Variants in P2RY12 observed in about 807,000 individuals in gnomAD.
P2RY12 encodes P2Y purinoceptor 12.
In P2RY12, 3 loss-of-function variants were observed where a neutral mutation model predicts 4.5. The ratio of observed to expected loss-of-function variants is 0.67; its 90% CI spans 0.31 to 1.74. The LOEUF (loss-of-function observed/expected upper bound fraction) is 1.74. P2RY12 is among the 40% of genes most tolerant of loss of function. P2RY12 has a pLI of 0.09. For synonymous variants in P2RY12, 148 were observed against 154.1 expected (o/e 0.96, Z 0.29); for missense variants, 356 against 407.8 (o/e 0.87, Z 1.09).
chr3:151,380,035 G>T, intron 1 of P2RY12: 1 of 895,478 alleles, frequency 1.1e-6, no homozygotes, highest in Admixed American at 2.6e-5. Flanking sequence ...TAATAGTGAG[G>T]CAAAGAAATG....
intron 1 of P2RY12, chr3:151,372,649 T>G: frequency 6.2e-7 from 1 of 1,613,924 alleles, no homozygotes; most frequent in Non-Finnish European, 8.5e-7. Flanking sequence ...GTGATGGGAA[T>G]GCTGATGATA....
intron 1 of P2RY12, chr3:151,354,987 A>G: frequency 1.4e-6 from 1 of 698,278 alleles, no homozygotes; most frequent in South Asian, 1.7e-5. Context: ...CTTATTGTGT[A>G]TTTATTTTAT....
At chr3:151,349,909 G>A in intron 1 of P2RY12, 1 of 523,612 alleles carries the variant, frequency 1.9e-6, no homozygotes, top group Non-Finnish European at 3.3e-6. Flanking sequence ...CAAGGGTGTT[G>A]CCAGTGGAGG....
rs754485666 is a variant in P2RY12, at chr3:151,338,307, G to C, written c.539C>G (p.Ser180Ter). The C allele has an allele frequency of 5.0e-6, 8 of 1,613,972 alleles. No homozygotes were observed. The East Asian group carries it at 1.3e-4, about 27-fold the overall frequency. Reference protein sequence around the residue: ...KNVKKCSFLKSEFGLVWHEIV... With the variant: ...KNVKKCSFLK ...TTCATGCCAGACTAGACCGAACTCT[G>C]ATTTAAGGAAAGAGCATTTCTTCAC... The change falls in exon 3 of 3, where the codon TCA (serine) becomes TGA (stop). Residue 180 changes from serine to a stop codon, truncating the protein, a stop_gained. Coordinates refer to ENST00000302632, the MANE Select transcript of P2RY12 (RefSeq NM_022788.5). LOFTEE classifies it low-confidence loss of function (END_TRUNC).
intron 1 of P2RY12, among the ~76,000 whole-genome samples, chr3:151,359,485 T>C (rs1212544488): frequency 6.6e-6 from 1 of 152,120 alleles, no homozygotes; most frequent in African/African-American, 2.4e-5. Context: ...GTGATTCCAT[T>C]GTCCTCCTTG....
intron 1 of P2RY12, among the ~76,000 whole-genome samples, chr3:151,343,345 A>T (rs1213813173): frequency 6.6e-6 from 1 of 152,204 alleles, no homozygotes; most frequent in Non-Finnish European, 1.5e-5. Context: ...AAACCTCTAG[A>T]AGGGCTAACA....
In P2RY12 at chr3:151,338,771, C is replaced by T. The variant is rs1751387785; in HGVS notation, c.75G>A (p.Gln25=). 6.2e-7 allele frequency: 1 copy of T among 1,613,140 alleles called. No homozygotes were observed. Among genetic ancestry groups the T allele is most frequent in the African/African-American group, 1.3e-5 (1 of 74,642 alleles). The change falls in exon 3 of 3, where the codon CAG becomes CAA. Residue 25 remains glutamine, a synonymous_variant. Transcript: ENST00000302632. The part of the protein sequence containing the change: ...SLCTRDYKIT[Q]VLFPLLYTVL... Reference sequence around the variant, plus strand: ...CAGTGTAGAGCAGTGGGAAGAGGACCTGGGTGATTTTGTAGTCTCTGGTGC... The same window carrying T: ...CAGTGTAGAGCAGTGGGAAGAGGACTTGGGTGATTTTGTAGTCTCTGGTGC...
intron 1 of P2RY12, chr3:151,384,010 G>C: frequency 6.5e-7 from 1 of 1,527,618 alleles, no homozygotes; most frequent in Non-Finnish European, 8.9e-7. Flanking sequence ...TCTGTGCCTT[G>C]AATAAAAATA....
chr3:151,355,159 G>C, intron 1 of P2RY12: 1 of 1,614,020 alleles, frequency 6.2e-7, no homozygotes, highest in Non-Finnish European at 8.5e-7. Flanking sequence ...GAACAAACAG[G>C]AGACATTTCC....
Position 151,338,494 on chromosome 3 carries a change from T to C in P2RY12, c.352A>G (p.Ile118Val), listed in dbSNP as rs375376556. 1.2e-6 allele frequency: 2 copies of C among 1,613,878 alleles called. No individual in the cohort carries two copies. Among genetic ancestry groups the C allele is most frequent in the Non-Finnish European group, 1.7e-6 (2 of 1,180,018 alleles). ...MYISISFLGL[I>V]TIDRYQKTTR... ...GTCTTCTGGTAGCGATCGATAGTTA[T>C]CAGTCCCAGGAATGAAATACTGATA... Residue 118 changes from isoleucine to valine, a missense_variant, in exon 3 of 3, where the codon ATA (isoleucine) becomes GTA (valine). Coordinates refer to ENST00000302632, the MANE Select transcript of P2RY12 (RefSeq NM_022788.5).
intron 1 of P2RY12, among the ~76,000 whole-genome samples, chr3:151,379,866 C>T (rs148766468): frequency 1.4e-3 from 219 of 152,318 alleles, no homozygotes; most frequent in African/African-American, 4.8e-3. Context: ...GGCATGCTCA[C>T]ATGCAGTATG....
Position 151,365,778 on chromosome 3 carries a change from AT to A in P2RY12, c.-180+18913del, listed in dbSNP as rs1432618411. 3.1e-6 allele frequency: 4 copies of A among 1,282,934 alleles called. No individual in the cohort carries two copies. The Admixed American group carries it at 1.0e-4, about 32-fold the overall frequency. The allele number at this position is 1,282,934 out of a possible 1,614,324, so 79.5% of individuals were successfully genotyped here. On this transcript the variant is annotated intron_variant, in intron 1 of 2. Coordinates refer to ENST00000302632, the MANE Select transcript of P2RY12 (RefSeq NM_022788.5). ...TTTGATGTTAGTGAAATATATGTTA[AT>A]TAAGTATATCACAGGTGAGTATTTC...
chr3:151,345,522 T>TC (rs1245159670), intron 1 of P2RY12, among the ~76,000 whole-genome samples: 3 of 134,938 alleles, frequency 2.2e-5, no homozygotes, highest in Non-Finnish European at 5.0e-5. Flanking sequence ...TTTTTCTTTT[T>TC]TTTTTTTTTT....
Position 151,382,609 on chromosome 3 carries a change from T to C in P2RY12, c.-180+2083A>G, listed in dbSNP as rs760665629. ...GTATAAAGCTCAATTTATCTTTAAA[T>C]GAGAGAAAAATTAAACTTTAATGGG... On this transcript the variant is annotated intron_variant, in intron 1 of 2. Coordinates refer to ENST00000302632, the MANE Select transcript of P2RY12 (RefSeq NM_022788.5). 5.7e-6 allele frequency: 8 copies of C among 1,391,680 alleles called. No homozygotes were observed. The East Asian group carries it at 1.7e-4, about 29-fold the overall frequency. 86.2% of individuals were successfully genotyped at this position (1,391,680 alleles called of 1,614,324 possible).
chr3:151,351,512 G>C (rs912990637), intron 1 of P2RY12, among the ~76,000 whole-genome samples: 1 of 152,064 alleles, frequency 6.6e-6, no homozygotes, highest in Non-Finnish European at 1.5e-5. Flanking sequence ...TATTGAGTTT[G>C]AAAAAAGAAA....
intron 1 of P2RY12, among the ~76,000 whole-genome samples, chr3:151,374,416 C>G (rs1756572134): frequency 6.6e-6 from 1 of 152,234 alleles, no homozygotes; most frequent in Non-Finnish European, 1.5e-5. Flanking sequence ...GGTGTGGTGG[C>G]ACATGCCTGT....
chr3:151,375,573 A>AT, intron 1 of P2RY12, among the ~76,000 whole-genome samples: 1 of 152,200 alleles, frequency 6.6e-6, no homozygotes, highest in East Asian at 1.9e-4. Flanking sequence ...AACATTATTC[A>AT]TAATAGTATC....
At chr3:151,355,301 T>C (rs1753771891) in intron 1 of P2RY12, 1 of 1,111,000 alleles carries the variant, frequency 9.0e-7, no homozygotes, top group Non-Finnish European at 1.3e-6. Context: ...AAAATTTTTT[T>C]CATGCAGTAT....
At chr3:151,340,292 A>C (rs144825964) in intron 2 of P2RY12, among the ~76,000 whole-genome samples, 3 of 152,304 alleles carry the variant, frequency 2.0e-5, no homozygotes, top group African/African-American at 7.2e-5. Flanking sequence ...TATTCTTGAC[A>C]TTGAGAATTT....
Sources: gnomAD v4.1 joint callset for allele counts (sites outside exome capture counted in the v4.1 genomes callset) on GRCh38, gnomAD v4.1.1 for gene constraint, MANE v1.5 for transcripts, NCBI Gene and HGNC (gene_info 2026-07-23, HGNC 2026-07-21) for gene names.